The following DNAI7 variants were observed in gnomAD, a reference collection of about 807,000 sequenced individuals.
The protein encoded by DNAI7 is cancer susceptibility 1.
Under a neutral mutation model 86.6 loss-of-function variants are expected in DNAI7, and 78 were observed. The observed-to-expected ratio is 0.90, with a 90% confidence interval of 0.75 to 1.09. The LOEUF (loss-of-function observed/expected upper bound fraction) is 1.09, where lower values mean the gene tolerates loss of function less well. Among genes scored for constraint, DNAI7 ranks in the 50% least tolerant of loss-of-function variants. The pLI, the probability that DNAI7 is intolerant of heterozygous loss-of-function variation, is 0.00. For missense variants in DNAI7, 753 were observed against 810.2 expected (o/e 0.93, Z 0.86); for synonymous variants, 274 against 273.0 (o/e 1.00, Z -0.04).
Position 25,140,454 on chromosome 12 carries a change from AAAAT to A in DNAI7, c.1002+3907_1002+3910del, listed in dbSNP as rs751958581. 2.3e-4 allele frequency among the ~76,000 whole-genome samples: 35 copies of A among 152,100 alleles called. 1 individual carries two copies. The highest frequency in any genetic ancestry group is 7.7e-4 in the African/African-American group (32 of 41,532). ...CTCAGCCCCTTTTACAGTAGTTGCA[AAAAT>A]AAATAAATAAATAAATAAATAAAAT... On this transcript the variant is annotated intron_variant, in intron 9 of 15. Coordinates refer to ENST00000395987, the MANE Select transcript of DNAI7 (RefSeq NM_018272.5).
chr12:25,181,311 G>A (rs1230919527), intron 2 of DNAI7, among the ~76,000 whole-genome samples: 1 of 151,892 alleles, frequency 6.6e-6, no homozygotes, highest in African/African-American at 2.4e-5. Context: ...AGGTGGGGGG[G>A]TCTCACTATG....
In DNAI7 at chr12:25,108,392, G is replaced by GT; in HGVS notation, c.*155dup. 3 of 669,284 alleles carry GT rather than the reference G, an allele frequency of 4.5e-6. No homozygotes were observed. Among genetic ancestry groups the GT allele is most frequent in the Non-Finnish European group, 4.7e-6 (2 of 429,794 alleles). The allele number at this position is 669,284 out of a possible 1,614,324, so 41.5% of individuals were successfully genotyped here. A position where few individuals can be genotyped will look rare whatever the true frequency, so the allele number is the denominator to read the frequency against. Reference sequence around the variant, plus strand: ...AGTATTCAAAGGAAAAAAAAATACTGTTTTTAAAATAAAACTTGAGTAGAA... The same window carrying GT: ...AGTATTCAAAGGAAAAAAAAATACTGTTTTTTAAAATAAAACTTGAGTAGAA... On this transcript the variant is annotated 3_prime_UTR_variant, in exon 16 of 16. Coordinates refer to ENST00000395987, the MANE Select transcript of DNAI7 (RefSeq NM_018272.5).
rs556312037 is a variant in DNAI7, at chr12:25,189,340, T to C, written c.21+1274A>G. Among the ~76,000 whole-genome samples the C allele has an allele frequency of 6.6e-5, 10 of 152,306 alleles. No homozygotes were observed. The East Asian group carries it at 1.9e-3, about 29-fold the overall frequency. On this transcript the variant is annotated intron_variant, in intron 2 of 15. Transcript: ENST00000395987. ...TTGAGGTATGCACGAATGCATGTGC[T>C]ATGAAAACACAGAGTATAAGCCAGG...
chr12:25,134,079 C>T (rs1408741110), intron 9 of DNAI7, among the ~76,000 whole-genome samples: 1 of 152,144 alleles, frequency 6.6e-6, no homozygotes, highest in Non-Finnish European at 1.5e-5. Context: ...ACTGCAGCCT[C>T]GACCTCCTGG....
chr12:25,120,342 G>GAGA (rs71065905), intron 11 of DNAI7, among the ~76,000 whole-genome samples: 4 of 138,000 alleles, frequency 2.9e-5, no homozygotes, highest in Non-Finnish European at 4.8e-5. Context: ...GAGAGAGAGA[G>GAGA]GAAGGAAGGG....
chr12:25,109,701 G>C (rs1949636453), intron 15 of DNAI7, among the ~76,000 whole-genome samples: 1 of 151,240 alleles, frequency 6.6e-6, no homozygotes, highest in Admixed American at 6.6e-5. Context: ...TTTTTGAGAT[G>C]GAATTTTGCT....
chr12:25,114,592 A>T, intron 13 of DNAI7, 64 bp downstream of exon 13: 1 of 1,063,424 alleles, frequency 9.4e-7, no homozygotes, highest in Non-Finnish European at 1.4e-6. Flanking sequence ...TTGACAAACT[A>T]GTATTCCATC....
chr12:25,108,824 C>CAAAAAAAAAAAAAAAAAAAA lies in DNAI7; in HGVS notation c.1894-2_1894-1insTTTTTTTTTTTTTTTTTTTT. ...ATGCTTCAGTAAGGTGTTCCCTCAC[C>CAAAAAAAAAAAAAAAAAAAA]TAAAAAAAAAAAAAATTCAAGCAAG... On this transcript the variant is annotated splice_acceptor_variant, in intron 15 of 15. Coordinates refer to ENST00000395987, the MANE Select transcript of DNAI7 (RefSeq NM_018272.5). LOFTEE classifies it high-confidence loss of function. 10 of 113,366 alleles carry CAAAAAAAAAAAAAAAAAAAA rather than the reference C, an allele frequency of 8.8e-5. No individual in the cohort carries two copies. Among genetic ancestry groups the CAAAAAAAAAAAAAAAAAAAA allele is most frequent in the South Asian group, 5.2e-4 (1 of 1,918 alleles). The allele number at this position is 113,366 out of a possible 1,614,324, so 7.0% of individuals were successfully genotyped here. A position where few individuals can be genotyped will look rare whatever the true frequency, so the allele number is the denominator to read the frequency against.
In DNAI7 at chr12:25,119,197, A is replaced by G. The variant is rs762502446; in HGVS notation, c.1344T>C (p.His448=). 4 of 1,611,642 alleles carry G rather than the reference A, an allele frequency of 2.5e-6. No individual in the cohort carries two copies. The highest frequency in any genetic ancestry group is 2.2e-5 in the South Asian group (2 of 90,540). Residue 448 remains histidine (H), a synonymous_variant, in exon 12 of 16, where the codon CAT becomes CAC. Coordinates refer to ENST00000395987, the MANE Select transcript of DNAI7 (RefSeq NM_018272.5). ...GATCCTCAAAAAAGATTACATTCTC[A>G]TGAACCTCAAGTGTGACCTCTATAG... ...FPPIEVTLEV[H]ENVIFFEDPV... is the part of the protein sequence containing the mutation.
intron 10 of DNAI7, among the ~76,000 whole-genome samples, chr12:25,122,757 G>C (rs1314356655): frequency 3.3e-5 from 5 of 152,148 alleles, no homozygotes; most frequent in Non-Finnish European, 7.4e-5. Flanking sequence ...ATGTGTACTT[G>C]TGAAAGTTCA....
chr12:25,112,701 T>A (rs886866502), intron 13 of DNAI7, among the ~76,000 whole-genome samples: 1 of 150,004 alleles, frequency 6.7e-6, no homozygotes, highest in Admixed American at 6.6e-5. Context: ...CCACCACACC[T>A]AGCCTACACA....
intron 2 of DNAI7, among the ~76,000 whole-genome samples, chr12:25,181,828 C>T (rs1351929471): frequency 6.6e-6 from 1 of 152,014 alleles, no homozygotes; most frequent in Non-Finnish European, 1.5e-5. Flanking sequence ...GAGATATCAT[C>T]TCACACTAGT....
At chr12:25,119,064 T>G in intron 12 of DNAI7, 81 bp downstream of exon 12, 1 of 1,154,832 alleles carries the variant, frequency 8.7e-7, no homozygotes, top group Non-Finnish European at 1.2e-6. Context: ...GTAAGCTCAG[T>G]TAATACACTA....
intron 9 of DNAI7, among the ~76,000 whole-genome samples, chr12:25,130,485 C>T (rs1942763780): frequency 2.0e-5 from 3 of 150,772 alleles, no homozygotes; most frequent in South Asian, 4.2e-4. Flanking sequence ...TGCAGTGAGC[C>T]GAGATAGCGC....
intron 2 of DNAI7, among the ~76,000 whole-genome samples, chr12:25,170,261 G>A (rs977018820): frequency 1.3e-5 from 2 of 151,528 alleles, no homozygotes; most frequent in African/African-American, 2.4e-5. Context: ...TGTGGTGGTG[G>A]GTGCCTGTAA....
At chr12:25,124,254 A>C (rs1367820344) in intron 9 of DNAI7, among the ~76,000 whole-genome samples, 1 of 151,654 alleles carries the variant, frequency 6.6e-6, no homozygotes, top group Non-Finnish European at 1.5e-5. Flanking sequence ...ATCTCTCATC[A>C]CCATATTGCC....
intron 2 of DNAI7, among the ~76,000 whole-genome samples, chr12:25,167,550 G>A (rs145788349): frequency 3.7e-4 from 56 of 152,144 alleles, no homozygotes; most frequent in African/African-American, 1.3e-3. Flanking sequence ...TCTCCTAGCC[G>A]TTTCTAATCC....
chr12:25,129,259 A>G (rs1942548248), intron 9 of DNAI7, among the ~76,000 whole-genome samples: 1 of 152,166 alleles, frequency 6.6e-6, no homozygotes, highest in South Asian at 2.1e-4. Flanking sequence ...ATGAATGATT[A>G]CTATATGGTA....
chr12:25,131,405 C>T (rs1942907308), intron 9 of DNAI7, among the ~76,000 whole-genome samples: 1 of 152,154 alleles, frequency 6.6e-6, no homozygotes, highest in African/African-American at 2.4e-5. Flanking sequence ...TATAGGAATA[C>T]AAACATAACT....
Sources: allele counts gnomAD v4.1 joint callset (sites outside exome capture counted in the v4.1 genomes callset), GRCh38; gene constraint gnomAD v4.1.1; transcripts MANE v1.5; gene names NCBI Gene and HGNC (gene_info 2026-07-23, HGNC 2026-07-21).